The following RGS6 variants were observed in gnomAD, a reference collection of about 807,000 sequenced individuals.
RGS6 encodes regulator of G protein signaling 6.
RGS6 carries 30 observed loss-of-function variants against 78.5 expected under a neutral mutation model. The observed-to-expected ratio is 0.38, with a 90% CI of 0.29 to 0.52. The LOEUF (loss-of-function observed/expected upper bound fraction) is 0.52. Ranked by LOEUF, RGS6 falls within the 20% of genes least tolerant of loss-of-function variation. RGS6 has a pLI of 0.85. For missense variants in RGS6, 495 were observed against 609.7 expected (o/e 0.81, Z 1.98); for synonymous variants, 206 against 206.0 (o/e 1.00, Z 0.00).
intron 3 of RGS6, among the ~76,000 whole-genome samples, chr14:72,453,684 A>G (rs1042187106): frequency 1.7e-4 from 26 of 150,708 alleles, no homozygotes; most frequent in Non-Finnish European, 2.7e-4. Flanking sequence ...AGGTAATACT[A>G]GATACCAAAA....
chr14:72,333,061 C>T (rs964269577), intron 2 of RGS6, among the ~76,000 whole-genome samples: 1 of 152,198 alleles, frequency 6.6e-6, no homozygotes, highest in Non-Finnish European at 1.5e-5. Flanking sequence ...ATTTCACACG[C>T]ATAATCTCAC....
intron 3 of RGS6, chr14:72,421,731 T>C (rs2094191065): frequency 6.6e-6 from 1 of 152,238 alleles, no homozygotes; most frequent in Non-Finnish European, 1.5e-5. Flanking sequence ...TGAGGTATTT[T>C]ATGATATGTA....
the RGS6 span, among the ~76,000 whole-genome samples, chr14:72,611,255 G>T: frequency 6.6e-6 from 1 of 152,238 alleles, no homozygotes; most frequent in South Asian, 2.1e-4. Context: ...AAATCTGGCT[G>T]TGACACGTGT....
chr14:72,105,003 C>T (rs1001061953), intron 2 of RGS6, among the ~76,000 whole-genome samples: 3 of 152,162 alleles, frequency 2.0e-5, no homozygotes, highest in African/African-American at 7.2e-5. Context: ...CTGGATAGGT[C>T]CTTGGTCTCT....
chr14:72,267,436 G>A (rs1421106538), intron 2 of RGS6, among the ~76,000 whole-genome samples: 1 of 152,228 alleles, frequency 6.6e-6, no homozygotes, highest in Middle Eastern at 3.2e-3. Flanking sequence ...GGGTTGAGTA[G>A]TTGTGACAGC....
chr14:72,619,534 G>A, the RGS6 span, among the ~76,000 whole-genome samples: 14 of 152,204 alleles, frequency 9.2e-5, no homozygotes, highest in Non-Finnish European at 1.6e-4. Flanking sequence ...CAGAAAGCAG[G>A]TGCTCAGAGG....
chr14:72,204,066 T>A (rs2042183953), intron 2 of RGS6, among the ~76,000 whole-genome samples: 1 of 152,064 alleles, frequency 6.6e-6, no homozygotes, highest in Non-Finnish European at 1.5e-5. Flanking sequence ...TCCAGTGATC[T>A]GCCCACCTCG....
intron 2 of RGS6, among the ~76,000 whole-genome samples, chr14:72,162,966 T>A (rs1479211558): frequency 2.0e-5 from 3 of 152,172 alleles, no homozygotes; most frequent in Non-Finnish European, 4.4e-5. Context: ...CCAAACATCA[T>A]ATGTTCTCAC....
At chr14:71,870,908 T>C in the RGS6 span, among the ~76,000 whole-genome samples, 1 of 152,186 alleles carries the variant, frequency 6.6e-6, no homozygotes, top group South Asian at 2.1e-4. Context: ...CTAAAAGGTG[T>C]GCAGAGGCTT....
intron 2 of RGS6, among the ~76,000 whole-genome samples, chr14:72,093,879 A>T (rs1017928423): frequency 2.0e-5 from 3 of 152,346 alleles, no homozygotes; most frequent in African/African-American, 7.2e-5. Context: ...TTGATTGACT[A>T]TGTAAAAACT....
chr14:72,031,805 G>A (rs1349071375), intron 2 of RGS6, among the ~76,000 whole-genome samples: 1 of 152,182 alleles, frequency 6.6e-6, no homozygotes, highest in African/African-American at 2.4e-5. Context: ...GACTATTAGG[G>A]AACAGCCTAA....
chr14:72,164,784 T>C (rs2096902276), intron 2 of RGS6, among the ~76,000 whole-genome samples: 1 of 152,238 alleles, frequency 6.6e-6, no homozygotes, highest in South Asian at 2.1e-4. Context: ...TGGAGGTACA[T>C]TTTGAATAAA....
In RGS6 at chr14:72,541,244, C is replaced by T. The variant is rs146355870; in HGVS notation, c.1422+1150C>T. 5.9e-4 allele frequency: 852 copies of T among 1,438,182 alleles called. 13 individuals are homozygous for T. The East Asian group carries it at 0.022, about 38-fold the overall frequency. The allele number at this position is 1,438,182 out of a possible 1,614,324, so 89.1% of individuals were successfully genotyped here. ...ACCTGACTACTGTGTGACTGGTATACGTATTTCATCCTTTTAAGAAAAAGT... is the reference window on the plus strand; with the variant it reads ...ACCTGACTACTGTGTGACTGGTATATGTATTTCATCCTTTTAAGAAAAAGT... On this transcript the variant is annotated intron_variant, in intron 17 of 17. Coordinates refer to ENST00000553525, the MANE Select transcript of RGS6 (RefSeq NM_001204424.2).
At chr14:72,492,974 C>T (rs1169308905) in intron 12 of RGS6, among the ~76,000 whole-genome samples, 1 of 152,126 alleles carries the variant, frequency 6.6e-6, no homozygotes, top group Non-Finnish European at 1.5e-5. Flanking sequence ...AAAAAGCTTG[C>T]CAATGCCTGC....
At chr14:72,597,691 T>C in the RGS6 span, among the ~76,000 whole-genome samples, 1 of 152,206 alleles carries the variant, frequency 6.6e-6, no homozygotes, top group Non-Finnish European at 1.5e-5. Flanking sequence ...GGGTAATCCA[T>C]CATCTCAAAC....
At chr14:72,443,458 C>A (rs1476220204) in intron 3 of RGS6, among the ~76,000 whole-genome samples, 1 of 152,218 alleles carries the variant, frequency 6.6e-6, no homozygotes, top group Non-Finnish European at 1.5e-5. Flanking sequence ...TGTGGAAGTG[C>A]TAGCAGTGTT....
the RGS6 span, among the ~76,000 whole-genome samples, chr14:72,571,795 AAG>A: frequency 1.4e-3 from 199 of 147,096 alleles, no homozygotes; most frequent in Admixed American, 2.8e-3. Flanking sequence ...AAAACAACAA[AAG>A]AAAAAAATAG....
At chr14:72,157,777 G>C (rs2096793927) in intron 2 of RGS6, among the ~76,000 whole-genome samples, 1 of 152,124 alleles carries the variant, frequency 6.6e-6, no homozygotes. Context: ...GTTGGGAAGA[G>C]TAAGGGGAAC....
intron 6 of RGS6, among the ~76,000 whole-genome samples, chr14:72,465,051 G>T (rs2095866652): frequency 6.6e-6 from 1 of 152,182 alleles, no homozygotes; most frequent in Admixed American, 6.5e-5. Flanking sequence ...GTAAGAGGTT[G>T]CCAGATAGAG....
Sources: gnomAD v4.1 joint callset for allele counts (sites outside exome capture counted in the v4.1 genomes callset) on GRCh38, gnomAD v4.1.1 for gene constraint, MANE v1.5 for transcripts, NCBI Gene and HGNC (gene_info 2026-07-23, HGNC 2026-07-21) for gene names.